The following METTL25 variants were observed in gnomAD, a reference collection of about 807,000 sequenced individuals.
The protein encoded by METTL25 is methyltransferase like 25.
Under a neutral mutation model 71.6 loss-of-function variants are expected in METTL25, and 64 were observed. That is an observed-to-expected ratio of 0.89 (90% CI 0.73 to 1.10). The LOEUF is 1.10. Ranked by LOEUF, METTL25 falls within the 50% of genes least tolerant of loss-of-function variation. METTL25 has a pLI of 0.00. For missense variants in METTL25, 807 were observed against 707.0 expected, an observed-to-expected ratio of 1.14 and a Z score of -1.60; for synonymous variants, 287 against 250.3, an observed-to-expected ratio of 1.15 and a Z score of -1.38.
At chr12:82,392,000 TC>T (rs1885632803) in intron 3 of METTL25, among the ~76,000 whole-genome samples, 1 of 151,674 alleles carries the variant, frequency 6.6e-6, no homozygotes, top group Non-Finnish European at 1.5e-5. Context: ...GGACATTTTT[TC>T]ATATACCTGT....
At chr12:82,456,874 G>T in intron 9 of METTL25, 54 bp downstream of exon 9, 1 of 837,794 alleles carries the variant, frequency 1.2e-6, no homozygotes, top group South Asian at 2.4e-5. Context: ...CTTCTATTTT[G>T]TAATGAATTG....
chr12:82,455,745 G>A (rs1891447060), intron 8 of METTL25, among the ~76,000 whole-genome samples: 1 of 152,016 alleles, frequency 6.6e-6, no homozygotes, highest in East Asian at 1.9e-4. Context: ...GTTGAGAAAT[G>A]TGATTATAGT....
chr12:82,384,638 A>T (rs1028094566), intron 1 of METTL25, among the ~76,000 whole-genome samples: 1 of 152,056 alleles, frequency 6.6e-6, no homozygotes, highest in Admixed American at 6.6e-5. Flanking sequence ...TGTTGTAAAG[A>T]TAATATTGTA....
At position 82,479,211 on chromosome 12, in the gene METTL25, AAAG is replaced by A. The variant is rs1248948461; in HGVS notation, c.*193_*195del. 4.9e-5 allele frequency: 24 copies of A among 494,556 alleles called. No individual in the cohort carries two copies. The highest frequency in any genetic ancestry group is 4.4e-4 in the African/African-American group (23 of 52,322). The allele number at this position is 494,556 out of a possible 1,614,324, so 30.6% of individuals were successfully genotyped here. ...TCCATTGTCAAAGCATACATTAATA[AAAG>A]AAGAACCTGTCATAATAATATAAAA... is the stretch of plus-strand genomic sequence containing the variant. On this transcript the variant is annotated 3_prime_UTR_variant, in exon 12 of 12. Coordinates refer to ENST00000248306, the MANE Select transcript of METTL25 (RefSeq NM_032230.3).
intron 9 of METTL25, among the ~76,000 whole-genome samples, chr12:82,463,508 A>G (rs1403168520): frequency 6.6e-6 from 1 of 152,022 alleles, no homozygotes; most frequent in African/African-American, 2.4e-5. Flanking sequence ...GGTTGGTTCA[A>G]TATCTTGGCT....
At chr12:82,449,142 A>G (rs554403735) in intron 8 of METTL25, among the ~76,000 whole-genome samples, 1 of 152,332 alleles carries the variant, frequency 6.6e-6, no homozygotes, top group South Asian at 2.1e-4. Context: ...TTTTATTAAA[A>G]GAAAGTATAC....
intron 9 of METTL25, among the ~76,000 whole-genome samples, chr12:82,474,277 T>A (rs1191443424): frequency 6.6e-6 from 1 of 152,068 alleles, no homozygotes; most frequent in Non-Finnish European, 1.5e-5. Flanking sequence ...GAAGATGGAG[T>A]TACAGAGGCT....
At chr12:82,466,781 G>T (rs775860786) in intron 9 of METTL25, among the ~76,000 whole-genome samples, 1 of 151,860 alleles carries the variant, frequency 6.6e-6, no homozygotes, top group Non-Finnish European at 1.5e-5. Flanking sequence ...ACCAGTATAA[G>T]GTGCATCTGT....
intron 8 of METTL25, among the ~76,000 whole-genome samples, chr12:82,454,384 G>C (rs1891342968): frequency 6.6e-6 from 1 of 151,872 alleles, no homozygotes; most frequent in Non-Finnish European, 1.5e-5. Flanking sequence ...GTATGTTCAA[G>C]AAACTAAGAG....
At chr12:82,371,927 C>T (rs1883278250) in intron 1 of METTL25, among the ~76,000 whole-genome samples, 2 of 152,126 alleles carry the variant, frequency 1.3e-5, no homozygotes, top group African/African-American at 2.4e-5. Flanking sequence ...GACTCCAGTC[C>T]TCATGATCTG....
At chr12:82,402,902 C>A in intron 4 of METTL25, 81 bp from the exon 5 acceptor site, 2 of 1,042,952 alleles carry the variant, frequency 1.9e-6, no homozygotes, top group South Asian at 3.3e-5. Flanking sequence ...ATTGCAAGAT[C>A]CTGTATGTAA....
chr12:82,455,235 T>G (rs555631491), intron 8 of METTL25, among the ~76,000 whole-genome samples: 30 of 151,930 alleles, frequency 2.0e-4, no homozygotes, highest in African/African-American at 7.2e-4. Flanking sequence ...CCTATTTTCC[T>G]GGCTACACAG....
Position 82,358,540 on chromosome 12 carries a change from A to G in METTL25, c.-26A>G, listed in dbSNP as rs894900959. 2 of 1,604,172 alleles carry G rather than the reference A, an allele frequency of 1.2e-6. No individual in the cohort carries two copies. The highest frequency in any genetic ancestry group is 1.7e-6 in the Non-Finnish European group (2 of 1,176,998). The stretch of plus-strand genomic sequence containing the variant: ...GGCGCCTCACGGCCATGTTTGCGCC[A>G]CCTACAGCCTCGGAGGGTGAGCGTC... On this transcript the variant is annotated 5_prime_UTR_variant, in exon 1 of 12. Transcript: ENST00000248306.
chr12:82,432,529 A>G (rs1889593778), intron 6 of METTL25, among the ~76,000 whole-genome samples: 1 of 151,734 alleles, frequency 6.6e-6, no homozygotes, highest in African/African-American at 2.4e-5. Flanking sequence ...TATCCCTTAG[A>G]AAGACAAAAG....
In METTL25 at chr12:82,399,293, AG is replaced by A. The variant is rs1347076918; in HGVS notation, c.1031del (p.Arg344LysfsTer3). On this transcript the variant is annotated frameshift_variant, in exon 4 of 12. Transcript: ENST00000248306. LOFTEE classifies it high-confidence loss of function. ...RETSEANKER[R>X]KMTSKSSESN... ...AACATCTGAAGCCAATAAAGAGAGA[AG>A]AAAAATGACATCAAAGTCAAGTGAA... 22 of 1,613,698 alleles carry A rather than the reference AG, an allele frequency of 1.4e-5. No homozygotes were observed. The highest frequency in any genetic ancestry group is 1.8e-5 in the Non-Finnish European group (21 of 1,179,784).
At chr12:82,369,124 A>G (rs912964181) in intron 1 of METTL25, among the ~76,000 whole-genome samples, 5 of 152,180 alleles carry the variant, frequency 3.3e-5, no homozygotes, top group Non-Finnish European at 4.4e-5. Context: ...ACTCCCATCT[A>G]TATAATAAAT....
At chr12:82,379,640 A>G (rs1241945755) in intron 1 of METTL25, among the ~76,000 whole-genome samples, 1 of 152,190 alleles carries the variant, frequency 6.6e-6, no homozygotes, top group Non-Finnish European at 1.5e-5. Flanking sequence ...TATCTACCAT[A>G]TTTCACATCA....
intron 1 of METTL25, among the ~76,000 whole-genome samples, chr12:82,377,598 A>G (rs1035137438): frequency 6.6e-6 from 1 of 152,200 alleles, no homozygotes; most frequent in Non-Finnish European, 1.5e-5. Context: ...TCTACCAGTG[A>G]AAAAAGAATA....
At chr12:82,397,377 G>C (rs1592647904) in intron 3 of METTL25, among the ~76,000 whole-genome samples, 1 of 151,998 alleles carries the variant, frequency 6.6e-6, no homozygotes, top group East Asian at 1.9e-4. Context: ...CTAGATATAA[G>C]TCCTTTCTCA....
Sources: gnomAD v4.1 joint callset for allele counts (sites outside exome capture counted in the v4.1 genomes callset) on GRCh38, gnomAD v4.1.1 for gene constraint, MANE v1.5 for transcripts, NCBI Gene and HGNC (gene_info 2026-07-23, HGNC 2026-07-21) for gene names.